Variants in NUP133 observed in about 807,000 individuals in gnomAD.
The protein encoded by NUP133 is nuclear pore complex protein Nup133.
Under a neutral mutation model 146.2 loss-of-function variants are expected in NUP133, and 66 were observed. That is an observed-to-expected ratio of 0.45 (90% CI 0.37 to 0.55). NUP133 has a LOEUF of 0.55. Ranked by LOEUF, NUP133 falls within the 20% of genes least tolerant of loss-of-function variation. The probability of loss-of-function intolerance (pLI) is 0.00; values close to 1 mark genes in which losing one functional copy is unlikely to be tolerated. For synonymous variants in NUP133, 521 were observed against 498.8 expected, an observed-to-expected ratio of 1.04 and a Z score of -0.59; for missense variants, 1,277 against 1,374.8, an observed-to-expected ratio of 0.93 and a Z score of 1.12.
rs746149613 is a variant in NUP133, at chr1:229,444,896, T to A, written c.3334+18A>T. 1 of 1,531,968 alleles carries A rather than the reference T, an allele frequency of 6.5e-7. No homozygotes were observed. Among genetic ancestry groups the A allele is most frequent in the Non-Finnish European group, 9.0e-7 (1 of 1,110,886 alleles). The allele number at this position is 1,531,968 out of a possible 1,614,324, so 94.9% of individuals were successfully genotyped here. ...AATGACACTGTAATTTCCAACGGTA[T>A]AGTAACAAACCACTTACCATCTTTT... On this transcript the variant is annotated intron_variant, in intron 25 of 25. Transcript: ENST00000261396.
chr1:229,491,752 C>T (rs762516529), intron 8 of NUP133, among the ~76,000 whole-genome samples: 2 of 151,892 alleles, frequency 1.3e-5, no homozygotes, highest in Admixed American at 6.6e-5. Flanking sequence ...CACTCCAGCC[C>T]GGGCAACAGT....
At chr1:229,495,644 T>C (rs1257136765) in intron 7 of NUP133, 79 bp from the exon 8 acceptor site, 2 of 1,100,112 alleles carry the variant, frequency 1.8e-6, no homozygotes, top group Admixed American at 4.3e-5. Context: ...TAGTACCTAG[T>C]GAAGTGCTTC....
At chr1:229,492,496 A>G (rs1462257497) in intron 8 of NUP133, among the ~76,000 whole-genome samples, 3 of 152,164 alleles carry the variant, frequency 2.0e-5, no homozygotes, top group African/African-American at 7.2e-5. Context: ...GAAACCAAGC[A>G]TGTAACTAAA....
At chr1:229,463,209 C>T (rs1464679800) in intron 19 of NUP133, among the ~76,000 whole-genome samples, 3 of 152,030 alleles carry the variant, frequency 2.0e-5, no homozygotes, top group South Asian at 2.1e-4. Context: ...GACAACATAG[C>T]GAGACTTTGT....
intron 5 of NUP133, chr1:229,499,261 A>C (rs1189327290): frequency 8.5e-6 from 4 of 470,614 alleles, no homozygotes; most frequent in Non-Finnish European, 1.8e-5. Context: ...ATAGTGTCTG[A>C]CAGTTTTTAA....
intron 8 of NUP133, among the ~76,000 whole-genome samples, chr1:229,493,142 G>GT (rs1472399786): frequency 6.6e-6 from 1 of 152,030 alleles, no homozygotes; most frequent in Non-Finnish European, 1.5e-5. Context: ...TCTAAACTTT[G>GT]TATTAGTAAT....
chr1:229,483,382 T>C (rs977763092), intron 12 of NUP133, among the ~76,000 whole-genome samples: 8 of 152,180 alleles, frequency 5.3e-5, no homozygotes, highest in Non-Finnish European at 8.8e-5. Flanking sequence ...ATTACAGGTG[T>C]GAGCCACCAC....
chr1:229,506,253 G>A, intron 1 of NUP133, 95 bp from the exon 2 acceptor site: 12 of 583,262 alleles, frequency 2.1e-5, no homozygotes, highest in East Asian at 5.8e-5. Flanking sequence ...GGAGTTCTTT[G>A]AAAAAAATTA....
At chr1:229,450,410 CCA>C in intron 23 of NUP133, 113 bp downstream of exon 23, 1 of 525,838 alleles carries the variant, frequency 1.9e-6, no homozygotes, top group Non-Finnish European at 3.4e-6. Context: ...GGTAGTTGAA[CCA>C]CAGATACAGT....
Position 229,506,040 on chromosome 1 carries a change from C to T in NUP133, c.301G>A (p.Val101Ile), listed in dbSNP as rs899548358. ...KVMEALTLAE[V>I]DDQLTINIDE... ...AGGTAAATGGAAAGATGACACCTAC[C>T]TTCAGCCAATGTTAGGGCTTCCATG... Residue 101 changes from valine (V) to isoleucine (I), a missense_variant and splice_region_variant, in exon 2 of 26, where the codon GTC becomes ATC. By Grantham distance (29) the Val-to-Ile change is conservative (BLOSUM62 3). Coordinates refer to ENST00000261396, the MANE Select transcript of NUP133 (RefSeq NM_018230.3). 6.4e-7 allele frequency: 1 copy of T among 1,564,462 alleles called. No individual in the cohort carries two copies. The highest frequency in any genetic ancestry group is 1.7e-5 in the Admixed American group (1 of 59,824).
chr1:229,467,795 T>C (rs1054557704), intron 15 of NUP133, among the ~76,000 whole-genome samples: 1 of 151,624 alleles, frequency 6.6e-6, no homozygotes, highest in Non-Finnish European at 1.5e-5. Context: ...CGTCGTGGCG[T>C]GCACCTGGAG....
intron 1 of NUP133, among the ~76,000 whole-genome samples, chr1:229,507,394 A>G (rs1304842419): frequency 6.6e-6 from 1 of 152,202 alleles, no homozygotes; most frequent in Non-Finnish European, 1.5e-5. Context: ...CAGAAACACT[A>G]AAGTTTTAGG....
chr1:229,448,869 C>T (rs1309180791), intron 24 of NUP133: 1 of 488,200 alleles, frequency 2.0e-6, no homozygotes, highest in Non-Finnish European at 3.6e-6. Flanking sequence ...GCAAAACCCC[C>T]TGGTGCTTAA....
chr1:229,489,587 T>C (rs1164326316), intron 9 of NUP133, among the ~76,000 whole-genome samples: 1 of 152,200 alleles, frequency 6.6e-6, no homozygotes, highest in African/African-American at 2.4e-5. Flanking sequence ...GACCCTGAAA[T>C]GGGCCACGCA....
At chr1:229,483,945 T>C (rs1571929268) in intron 12 of NUP133, 109 bp downstream of exon 12, 3 of 701,332 alleles carry the variant, frequency 4.3e-6, no homozygotes, top group Non-Finnish European at 7.2e-6. Context: ...CATTCTCCTC[T>C]TGATAGCATC....
At chr1:229,467,865 C>T (rs769689930) in intron 15 of NUP133, among the ~76,000 whole-genome samples, 2 of 147,838 alleles carry the variant, frequency 1.4e-5, no homozygotes, top group South Asian at 2.1e-4. Flanking sequence ...GCCGAGGCTG[C>T]GGTGAGCAGA....
chr1:229,480,006 G>C (rs1317946470), intron 12 of NUP133, among the ~76,000 whole-genome samples: 1 of 152,222 alleles, frequency 6.6e-6, no homozygotes, highest in African/African-American at 2.4e-5. Flanking sequence ...AAAGGACAGA[G>C]GAAAGGGAGA....
At chr1:229,465,329 C>A in intron 17 of NUP133, 91 bp downstream of exon 17, 1 of 1,008,196 alleles carries the variant, frequency 9.9e-7, no homozygotes, top group Admixed American at 2.2e-5. Context: ...ATTTCACTTA[C>A]AAACCTACGC....
chr1:229,450,102 G>A (rs974571551), intron 23 of NUP133, among the ~76,000 whole-genome samples: 2 of 145,456 alleles, frequency 1.4e-5, no homozygotes, highest in Non-Finnish European at 3.0e-5. Context: ...CACCATGTTT[G>A]CCAGGCTGGC....
Sources: gnomAD v4.1 joint callset for allele counts (sites outside exome capture counted in the v4.1 genomes callset) on GRCh38, gnomAD v4.1.1 for gene constraint, MANE v1.5 for transcripts, NCBI Gene and HGNC (gene_info 2026-07-23, HGNC 2026-07-21) for gene names.